The following CNBP variants were observed in gnomAD, a reference collection of about 807,000 sequenced individuals.
The protein encoded by CNBP is cellular nucleic acid-binding protein.
A neutral mutation model predicts 21.2 loss-of-function variants in CNBP; 6 were observed. The observed-to-expected ratio is 0.28, with a 90% CI of 0.16 to 0.56. The LOEUF (loss-of-function observed/expected upper bound fraction) is 0.56. Among genes scored for constraint, CNBP ranks in the 20% least tolerant of loss-of-function variants. The pLI is 0.93. For synonymous variants in CNBP, 61 were observed against 74.9 expected, an observed-to-expected ratio of 0.81 and a Z score of 0.96; for missense variants, 112 against 233.1, an observed-to-expected ratio of 0.48 and a Z score of 3.38.
intron 1 of CNBP, among the ~76,000 whole-genome samples, chr3:129,178,423 A>C (rs1022110902): frequency 6.6e-6 from 1 of 152,190 alleles, no homozygotes; most frequent in Non-Finnish European, 1.5e-5. Flanking sequence ...TAATAAATAG[A>C]ATGTTCATAA....
intron 1 of CNBP, among the ~76,000 whole-genome samples, chr3:129,177,279 G>T (rs1233522105): frequency 6.6e-6 from 1 of 152,094 alleles, no homozygotes; most frequent in African/African-American, 2.4e-5. Flanking sequence ...AAAATTTTTC[G>T]TGAAACCTGA....
chr3:129,174,234 T>C (rs753227976), intron 1 of CNBP, among the ~76,000 whole-genome samples: 1 of 151,772 alleles, frequency 6.6e-6, no homozygotes, highest in Non-Finnish European at 1.5e-5. Context: ...TAAAAACAGA[T>C]TTTTACAGAA....
chr3:129,168,721 G>C lies in CNBP; in HGVS notation c.*1732C>G, dbSNP rs572363470. Among the ~76,000 whole-genome samples the C allele has an allele frequency of 3.6e-4, 55 of 151,502 alleles. No homozygotes were observed. The highest frequency in any genetic ancestry group is 1.2e-3 in the African/African-American group (51 of 41,282). The stretch of plus-strand genomic sequence containing the variant: ...TCGCACCTGTAACACTAGCACTTTG[G>C]GGGGCGGGGCAGGTGGATCACCTGA... On this transcript the variant is annotated 3_prime_UTR_variant, in exon 5 of 5. Coordinates refer to ENST00000422453, the MANE Select transcript of CNBP (RefSeq NM_003418.5).
In CNBP at chr3:129,178,975, T is replaced by C. The variant is rs1464066907; in HGVS notation, c.-15+4801A>G. ...GTTAGCCAGGATGGCCCAGATTCTT[T>C]TAATAAAAACGAACTATGGGGGCCG... On this transcript the variant is annotated intron_variant, in intron 1 of 4. Transcript: ENST00000422453. 3.9e-5 allele frequency among the ~76,000 whole-genome samples: 6 copies of C among 152,080 alleles called. No individual in the cohort carries two copies. In the East Asian group the frequency reaches 1.2e-3, roughly 29 times the overall value.
intron 1 of CNBP, among the ~76,000 whole-genome samples, chr3:129,172,615 GA>G (rs1477245860): frequency 0.2 from 12,674 of 63,890 alleles, 2,431 homozygotes; most frequent in Middle Eastern, 0.31. Flanking sequence ...CAGACAGGCA[GA>G]CAGGCAGCCA....
Position 129,168,798 on chromosome 3 carries a change from T to C in CNBP, c.*1655A>G, listed in dbSNP as rs906510195. Among the ~76,000 whole-genome samples, 3 of 151,702 alleles carry C rather than the reference T, an allele frequency of 2.0e-5. No homozygotes were observed. The highest frequency in any genetic ancestry group is 7.3e-5 in the African/African-American group (3 of 41,300). ...CAACATGATGAAACCCAGTCTCTAC[T>C]AAAAATACAAAAAATAGGCCGGGCG... On this transcript the variant is annotated 3_prime_UTR_variant, in exon 5 of 5. Coordinates refer to ENST00000422453, the MANE Select transcript of CNBP (RefSeq NM_003418.5).
chr3:129,180,073 G>T (rs1400510370), intron 1 of CNBP, among the ~76,000 whole-genome samples: 1 of 151,038 alleles, frequency 6.6e-6, no homozygotes, highest in Non-Finnish European at 1.5e-5. Context: ...CGTAATATAT[G>T]ACAAAAATGC....
At chr3:129,181,973 C>T (rs1938331266) in intron 1 of CNBP, among the ~76,000 whole-genome samples, 1 of 151,816 alleles carries the variant, frequency 6.6e-6, no homozygotes, top group Non-Finnish European at 1.5e-5. Flanking sequence ...TGGCAGTTTA[C>T]AGGTGTTTGA....
At chr3:129,182,461 T>C (rs900017084) in intron 1 of CNBP, among the ~76,000 whole-genome samples, 1 of 151,868 alleles carries the variant, frequency 6.6e-6, no homozygotes, top group African/African-American at 2.4e-5. Context: ...TGAGGCCATA[T>C]GGTTAACATG....
intron 1 of CNBP, among the ~76,000 whole-genome samples, chr3:129,182,520 A>C (rs1000920204): frequency 6.6e-6 from 1 of 152,192 alleles, no homozygotes; most frequent in Non-Finnish European, 1.5e-5. Context: ...ACCTAAACCC[A>C]AATGTGGACC....
At chr3:129,174,646 T>G (rs1576916661) in intron 1 of CNBP, among the ~76,000 whole-genome samples, 1 of 104,490 alleles carries the variant, frequency 9.6e-6, no homozygotes, top group African/African-American at 3.9e-5. Flanking sequence ...GTTACAAGAG[T>G]GAAACTCCAT....
At chr3:129,179,208 C>A (rs1001479076) in intron 1 of CNBP, among the ~76,000 whole-genome samples, 3 of 151,654 alleles carry the variant, frequency 2.0e-5, no homozygotes, top group Non-Finnish European at 4.4e-5. Flanking sequence ...ACCCGGGAGG[C>A]AGAGGTTGCG....
At chr3:129,176,635 A>G (rs938583919) in intron 1 of CNBP, among the ~76,000 whole-genome samples, 8 of 152,216 alleles carry the variant, frequency 5.3e-5, no homozygotes, top group African/African-American at 1.9e-4. Flanking sequence ...TTACTGCACC[A>G]TTAATTTAAA....
Position 129,181,239 on chromosome 3 carries a change from C to CAAA in CNBP, c.-15+2534_-15+2536dup, listed in dbSNP as rs10587328. Among the ~76,000 whole-genome samples, 6 of 53,176 alleles carry CAAA rather than the reference C, an allele frequency of 1.1e-4. No homozygotes were observed. The East Asian group carries it at 1.7e-3, about 15-fold the overall frequency. 34.9% of individuals were successfully genotyped at this position (53,176 alleles called of 152,430 possible). The stretch of plus-strand genomic sequence containing the variant: ...TGGCCGACAGAGAAAGACTCTGTCT[C>CAAA]AAAAAAAAAAAAAAAAAAAAAAAAA... On this transcript the variant is annotated intron_variant, in intron 1 of 4. Transcript: ENST00000422453.
At chr3:129,171,316 A>T (rs35253663) in intron 3 of CNBP, 39 bp from the exon 4 acceptor site, 1 of 1,611,530 alleles carries the variant, frequency 6.2e-7, no homozygotes. Context: ...AAGACTATAA[A>T]ACCTTTACAA....
At chr3:129,181,649 C>CAAAAAAAA (rs1367375702) in intron 1 of CNBP, among the ~76,000 whole-genome samples, 2,400 of 72,178 alleles carry the variant, frequency 0.033, 419 homozygotes, top group Middle Eastern at 0.22. Context: ...GACTCCGTCT[C>CAAAAAAAA]AGAAAAAAAA....
At chr3:129,181,239 CAAAAAAAAA>C (rs10587328) in intron 1 of CNBP, among the ~76,000 whole-genome samples, 4 of 53,176 alleles carry the variant, frequency 7.5e-5, no homozygotes, top group Admixed American at 2.8e-4. Flanking sequence ...GACTCTGTCT[CAAAAAAAAA>C]AAAAAAAAAA....
intron 1 of CNBP, among the ~76,000 whole-genome samples, chr3:129,176,858 T>C (rs1373577281): frequency 1.3e-5 from 2 of 152,188 alleles, no homozygotes; most frequent in Non-Finnish European, 2.9e-5. Context: ...CTTCTACTTG[T>C]CAATGTTATT....
chr3:129,181,416 G>C (rs1030679232), intron 1 of CNBP, among the ~76,000 whole-genome samples: 8 of 150,844 alleles, frequency 5.3e-5, no homozygotes, highest in Non-Finnish European at 1.0e-4. Flanking sequence ...CACTTTGAGA[G>C]GCCGAGGGAG....
Sources: gnomAD v4.1 joint callset for allele counts (sites outside exome capture counted in the v4.1 genomes callset) on GRCh38, gnomAD v4.1.1 for gene constraint, MANE v1.5 for transcripts, NCBI Gene and HGNC (gene_info 2026-07-23, HGNC 2026-07-21) for gene names.